The following ERBB4 variants were observed in gnomAD, a reference collection of about 807,000 sequenced individuals.
ERBB4 encodes the protein receptor tyrosine-protein kinase erbB-4.
ERBB4 carries 42 observed loss-of-function variants against 158.0 expected under a neutral mutation model. The observed-to-expected ratio is 0.27, with a 90% CI of 0.21 to 0.34. The LOEUF is 0.34. Ranked by LOEUF, ERBB4 falls within the 10% of genes least tolerant of loss-of-function variation. The probability of loss-of-function intolerance (pLI) is 1.00; values close to 1 mark genes in which losing one functional copy is unlikely to be tolerated. For missense variants in ERBB4, 1,333 were observed against 1,624.1 expected (o/e 0.82, Z 3.08); for synonymous variants, 583 against 558.7 (o/e 1.04, Z -0.61).
intron 1 of ERBB4, among the ~76,000 whole-genome samples, chr2:212,220,341 A>G (rs1224672730): frequency 6.6e-6 from 1 of 151,440 alleles, no homozygotes; most frequent in Non-Finnish European, 1.5e-5. Flanking sequence ...ATCTAAACAC[A>G]TAAGTACACT....
chr2:212,391,694 AT>A (rs67075226), intron 1 of ERBB4, among the ~76,000 whole-genome samples: 22,072 of 135,650 alleles, frequency 0.16, 2,073 homozygotes, highest in South Asian at 0.25. Context: ...TATATATTAT[AT>A]TATATATTAT....
At chr2:212,026,869 A>G (rs148504777) in intron 2 of ERBB4, among the ~76,000 whole-genome samples, 6 of 151,930 alleles carry the variant, frequency 3.9e-5, no homozygotes, top group African/African-American at 1.2e-4. Flanking sequence ...TTTCAAGCTA[A>G]TTTTTCCAAG....
At chr2:212,034,386 T>G (rs531306867) in intron 2 of ERBB4, among the ~76,000 whole-genome samples, 7 of 152,150 alleles carry the variant, frequency 4.6e-5, no homozygotes, top group East Asian at 1.9e-4. Context: ...AGCTGACATT[T>G]TGTTAGTTTT....
At chr2:212,309,520 T>C (rs546676841) in intron 1 of ERBB4, among the ~76,000 whole-genome samples, 22 of 150,896 alleles carry the variant, frequency 1.5e-4, no homozygotes, top group Non-Finnish European at 1.9e-4. Flanking sequence ...GAGATGTTTA[T>C]AAAAAGTATC....
At chr2:212,111,569 T>G (rs2079406409) in intron 2 of ERBB4, among the ~76,000 whole-genome samples, 1 of 152,174 alleles carries the variant, frequency 6.6e-6, no homozygotes, top group Non-Finnish European at 1.5e-5. Context: ...AATAGAATTT[T>G]TAAAAAGGAG....
chr2:211,775,949 G>A (rs1198790198), intron 4 of ERBB4, among the ~76,000 whole-genome samples: 1 of 152,170 alleles, frequency 6.6e-6, no homozygotes, highest in Admixed American at 6.5e-5. Context: ...ACAGACCGGG[G>A]GCAAGAGATG....
chr2:212,413,838 T>C (rs1359878414), intron 1 of ERBB4, among the ~76,000 whole-genome samples: 2 of 152,202 alleles, frequency 1.3e-5, no homozygotes. Context: ...ACTGATGATA[T>C]ATTATCTATA....
intron 4 of ERBB4, among the ~76,000 whole-genome samples, chr2:211,786,235 A>G (rs1291526768): frequency 6.6e-6 from 1 of 152,206 alleles, no homozygotes; most frequent in Non-Finnish European, 1.5e-5. Flanking sequence ...TTGCATTTAA[A>G]ACCCTGAGAG....
At chr2:212,186,312 A>T (rs1439052605) in intron 1 of ERBB4, among the ~76,000 whole-genome samples, 1 of 152,202 alleles carries the variant, frequency 6.6e-6, no homozygotes, top group Admixed American at 6.6e-5. Context: ...GTGTGTGCCT[A>T]CAAACTGGTT....
rs1319022373 is a variant in ERBB4 at position 211,644,157 on chromosome 2, G to C, written c.1947-13563C>G. 2.0e-5 allele frequency among the ~76,000 whole-genome samples: 3 copies of C among 152,010 alleles called. No homozygotes were observed. In the East Asian group the frequency reaches 5.8e-4, roughly 29 times the overall value. Reference sequence around the variant, plus strand: ...AAGACAAACAAACCCTCCTTTCACAGAGGCTTTTGGTCATTGCACCCCATT... The same window carrying C: ...AAGACAAACAAACCCTCCTTTCACACAGGCTTTTGGTCATTGCACCCCATT... On this transcript the variant is annotated intron_variant, in intron 16 of 27. Coordinates refer to ENST00000342788, the MANE Select transcript of ERBB4 (RefSeq NM_005235.3).
At chr2:211,545,837 C>T (rs1299653820) in intron 20 of ERBB4, among the ~76,000 whole-genome samples, 1 of 151,944 alleles carries the variant, frequency 6.6e-6, no homozygotes, top group Non-Finnish European at 1.5e-5. Context: ...ATCTTGAAAC[C>T]TGAAATGTGG....
chr2:211,979,161 T>C (rs1279577336), intron 2 of ERBB4, among the ~76,000 whole-genome samples: 2 of 152,100 alleles, frequency 1.3e-5, no homozygotes, highest in African/African-American at 4.8e-5. Context: ...CTCTCCACAG[T>C]ATATGAATAT....
intron 3 of ERBB4, among the ~76,000 whole-genome samples, chr2:211,865,663 T>A (rs2078185780): frequency 6.6e-6 from 1 of 152,102 alleles, no homozygotes; most frequent in Admixed American, 6.6e-5. Flanking sequence ...AATAACTAAC[T>A]GTTCCATCTC....
At position 211,670,971 on chromosome 2, in the gene ERBB4, C is replaced by T. The variant is rs144145943; in HGVS notation, c.1716+2193G>A. The stretch of plus-strand genomic sequence containing the variant: ...GTTAGACTTTGCTACAGATGGTAAG[C>T]GAACATCAAGTTTTCAGACATGGGA... On this transcript the variant is annotated intron_variant, in intron 14 of 27. Coordinates refer to ENST00000342788, the MANE Select transcript of ERBB4 (RefSeq NM_005235.3). Among the ~76,000 whole-genome samples the T allele has an allele frequency of 2.4e-3, 363 of 151,956 alleles. 1 individual carries two copies. Among genetic ancestry groups the T allele is most frequent in the African/African-American group, 8.2e-3 (339 of 41,450 alleles).
At chr2:212,290,866 T>A (rs1022887984) in intron 1 of ERBB4, among the ~76,000 whole-genome samples, 4 of 151,668 alleles carry the variant, frequency 2.6e-5, no homozygotes, top group African/African-American at 9.7e-5. Context: ...GAAAAAAAAA[T>A]GTCTATTCTC....
intron 20 of ERBB4, among the ~76,000 whole-genome samples, chr2:211,550,045 T>C (rs2067041952): frequency 6.6e-6 from 1 of 152,138 alleles, no homozygotes. Flanking sequence ...CAAATAAAAA[T>C]TGTATGCATT....
chr2:212,080,083 T>G (rs551836532), intron 2 of ERBB4, among the ~76,000 whole-genome samples: 15 of 151,962 alleles, frequency 9.9e-5, no homozygotes, highest in African/African-American at 3.6e-4. Flanking sequence ...ATCCCAGCAC[T>G]TTGGTGGATC....
At chr2:212,331,071 T>TATATATATATATATATATACAC (rs147932949) in intron 1 of ERBB4, among the ~76,000 whole-genome samples, 3 of 120,022 alleles carry the variant, frequency 2.5e-5, no homozygotes, top group African/African-American at 5.6e-5. Context: ...TATATATATA[T>TATATATATATATATATATACAC]ACACATATAT....
chr2:212,291,352 T>C (rs1429526784), intron 1 of ERBB4, among the ~76,000 whole-genome samples: 2 of 152,114 alleles, frequency 1.3e-5, no homozygotes, highest in Non-Finnish European at 2.9e-5. Flanking sequence ...TTGATAGTCC[T>C]GAATATATTT....
Sources: gnomAD v4.1 joint callset for allele counts (sites outside exome capture counted in the v4.1 genomes callset) on GRCh38, gnomAD v4.1.1 for gene constraint, MANE v1.5 for transcripts, NCBI Gene and HGNC (gene_info 2026-07-23, HGNC 2026-07-21) for gene names.